STAG1: variants seen among roughly 807,000 people sequenced by gnomAD.
STAG1 encodes cohesin subunit SA-1.
STAG1 carries 26 observed loss-of-function variants against 170.9 expected under a neutral mutation model. The ratio of observed to expected loss-of-function variants is 0.15; its 90% CI spans 0.11 to 0.21. The LOEUF (loss-of-function observed/expected upper bound fraction) is 0.21. Among genes scored for constraint, STAG1 ranks in the 10% least tolerant of loss-of-function variants. The probability of loss-of-function intolerance (pLI) is 1.00; values close to 1 mark genes in which losing one functional copy is unlikely to be tolerated. For missense variants in STAG1, 964 were observed against 1,509.5 expected, an observed-to-expected ratio of 0.64 and a Z score of 5.99; for synonymous variants, 514 against 497.7, an observed-to-expected ratio of 1.03 and a Z score of -0.44.
rs1033164982 is a variant in STAG1, at chr3:136,665,353, C to A, written c.-83-34372G>T. Among the ~76,000 whole-genome samples, 5 of 152,072 alleles carry A rather than the reference C, an allele frequency of 3.3e-5. No homozygotes were observed. In the East Asian group the frequency reaches 9.6e-4, roughly 29 times the overall value. ...GGACTGTGGCTAGGCAAGATTTAGGCCCTTTATGATTTTTGTCCCTTGCTG... is the reference window on the plus strand; with the variant it reads ...GGACTGTGGCTAGGCAAGATTTAGGACCTTTATGATTTTTGTCCCTTGCTG... On this transcript the variant is annotated intron_variant, in intron 1 of 33. Transcript: ENST00000383202.
intron 4 of STAG1, among the ~76,000 whole-genome samples, chr3:136,598,445 G>A (rs1219771525): frequency 3.0e-5 from 3 of 100,844 alleles, no homozygotes; most frequent in Non-Finnish European, 4.0e-5. Flanking sequence ...CTTTTTTTTT[G>A]AGACGGAGTC....
At chr3:136,689,797 T>C (rs1231833209) in intron 1 of STAG1, among the ~76,000 whole-genome samples, 1 of 151,976 alleles carries the variant, frequency 6.6e-6, no homozygotes, top group South Asian at 2.1e-4. Flanking sequence ...TCTCAGCACT[T>C]TGGGAAGCCA....
intron 1 of STAG1, among the ~76,000 whole-genome samples, chr3:136,726,571 G>C (rs1249897627): frequency 6.6e-6 from 1 of 152,108 alleles, no homozygotes; most frequent in Non-Finnish European, 1.5e-5. Flanking sequence ...TCACAGGTGT[G>C]CGCCACCTTG....
chr3:136,363,586 TAAAAG>T (rs1160593165), intron 25 of STAG1, 119 bp from the exon 26 acceptor site: 4 of 464,986 alleles, frequency 8.6e-6, no homozygotes, highest in Non-Finnish European at 1.5e-5. Flanking sequence ...GGTTGGTTGG[TAAAAG>T]AAAGGAAAGG....
chr3:136,566,937 T>C (rs1025285316), intron 5 of STAG1, among the ~76,000 whole-genome samples: 3 of 152,216 alleles, frequency 2.0e-5, no homozygotes, highest in Non-Finnish European at 2.9e-5. Context: ...GAAAGGTCTC[T>C]ATACACTATT....
At chr3:136,422,256 T>C (rs1234101076) in intron 19 of STAG1, among the ~76,000 whole-genome samples, 154 bp downstream of exon 19, 5 of 152,100 alleles carry the variant, frequency 3.3e-5, no homozygotes, top group African/African-American at 7.2e-5. Context: ...CTGATCTTTA[T>C]AGAATACACA....
intron 22 of STAG1, among the ~76,000 whole-genome samples, chr3:136,398,266 C>G (rs979457647): frequency 6.6e-6 from 1 of 152,106 alleles, no homozygotes. Context: ...TACAGGTGTG[C>G]ATCACCATGC....
intron 28 of STAG1, among the ~76,000 whole-genome samples, chr3:136,352,397 T>C (rs1048172755): frequency 1.3e-5 from 2 of 152,150 alleles, no homozygotes; most frequent in African/African-American, 4.8e-5. Context: ...TGAGCTCAAG[T>C]GATCGGTCCG....
intron 3 of STAG1, among the ~76,000 whole-genome samples, chr3:136,615,148 G>GT (rs1939520467): frequency 6.6e-6 from 1 of 151,924 alleles, no homozygotes; most frequent in African/African-American, 2.4e-5. Flanking sequence ...ATTAGTATTA[G>GT]TAAGATTAGC....
chr3:136,679,957 T>C (rs1457378778), intron 1 of STAG1, among the ~76,000 whole-genome samples: 5 of 151,986 alleles, frequency 3.3e-5, no homozygotes, highest in African/African-American at 9.7e-5. Flanking sequence ...TACAACATTA[T>C]TTAAAATGAG....
chr3:136,388,940 CTAAA>C lies in STAG1; in HGVS notation c.2277+9805_2277+9808del, dbSNP rs532798938. Among the ~76,000 whole-genome samples the C allele has an allele frequency of 2.0e-4, 30 of 152,112 alleles. No individual in the cohort carries two copies. The South Asian group carries it at 6.2e-3, about 32-fold the overall frequency. ...TGTACTAGAAAGTGTTATGTTTTGT[CTAAA>C]TATTCTTTTTTTATATATAATAAGT... On this transcript the variant is annotated intron_variant, in intron 22 of 33. Transcript: ENST00000383202.
intron 13 of STAG1, among the ~76,000 whole-genome samples, chr3:136,462,466 T>G (rs1260588842): frequency 6.6e-6 from 1 of 152,116 alleles, no homozygotes; most frequent in Admixed American, 6.6e-5. Flanking sequence ...TGTTCTCACT[T>G]TAATGTGGGA....
At chr3:136,469,558 C>G (rs1324954721) in intron 12 of STAG1, among the ~76,000 whole-genome samples, 2 of 152,316 alleles carry the variant, frequency 1.3e-5, no homozygotes, top group Non-Finnish European at 2.9e-5. Context: ...GGCCATACTG[C>G]CCAAGGTAAT....
At chr3:136,727,849 TGTTG>T (rs1933774684) in intron 1 of STAG1, among the ~76,000 whole-genome samples, 1 of 152,092 alleles carries the variant, frequency 6.6e-6, no homozygotes, top group Non-Finnish European at 1.5e-5. Context: ...ACAATATCGG[TGTTG>T]GTTATTTAAA....
intron 4 of STAG1, among the ~76,000 whole-genome samples, chr3:136,581,463 C>A (rs567253363): frequency 1.4e-4 from 21 of 152,116 alleles, no homozygotes; most frequent in East Asian, 9.6e-4. Flanking sequence ...AGAAAAAAAA[C>A]CACCTGTCTT....
chr3:136,690,945 G>A (rs548454357), intron 1 of STAG1, among the ~76,000 whole-genome samples: 4 of 151,012 alleles, frequency 2.6e-5, no homozygotes, highest in Admixed American at 6.7e-5. Flanking sequence ...AATATCCAAC[G>A]GGGCAATGTT....
chr3:136,681,184 C>T (rs945454258), intron 1 of STAG1, among the ~76,000 whole-genome samples: 2 of 151,940 alleles, frequency 1.3e-5, no homozygotes, highest in Admixed American at 1.3e-4. Flanking sequence ...AACCCATGTA[C>T]GAAGTTATGT....
intron 1 of STAG1, among the ~76,000 whole-genome samples, chr3:136,725,887 G>A (rs1933636985): frequency 6.6e-6 from 1 of 152,204 alleles, no homozygotes; most frequent in African/African-American, 2.4e-5. Context: ...CTTTAGGACT[G>A]TATCACAAAT....
At chr3:136,425,495 A>T (rs1368741053) in intron 16 of STAG1, among the ~76,000 whole-genome samples, 1 of 152,120 alleles carries the variant, frequency 6.6e-6, no homozygotes, top group Non-Finnish European at 1.5e-5. Context: ...GGTGTAGAGA[A>T]AGTTATATAA....
Sources: gnomAD v4.1 joint callset for allele counts (sites outside exome capture counted in the v4.1 genomes callset) on GRCh38, gnomAD v4.1.1 for gene constraint, MANE v1.5 for transcripts, NCBI Gene and HGNC (gene_info 2026-07-23, HGNC 2026-07-21) for gene names.